Variants in LAMA1 observed in about 807,000 individuals in gnomAD.
LAMA1 encodes laminin subunit alpha 1, also known as laminin subunit alpha-1.
In LAMA1, 219 loss-of-function variants were observed where a neutral mutation model predicts 348.7. The ratio of observed to expected loss-of-function variants is 0.63; its 90% CI spans 0.56 to 0.70. The LOEUF is 0.70. LAMA1 is among the 30% of genes least tolerant of loss of function. LAMA1 has a pLI of 0.00. For synonymous variants in LAMA1, 1,487 were observed against 1,491.0 expected, an observed-to-expected ratio of 1.00 and a Z score of 0.06; for missense variants, 3,744 against 3,888.0, an observed-to-expected ratio of 0.96 and a Z score of 0.99.
intron 3 of LAMA1, among the ~76,000 whole-genome samples, chr18:7,071,260 C>T (rs1447656439): frequency 1.3e-5 from 2 of 152,156 alleles, no homozygotes; most frequent in Non-Finnish European, 2.9e-5. Context: ...TACTCTGTGC[C>T]GTGATTTTTG....
chr18:7,020,240 C>T (rs557627856), intron 19 of LAMA1, among the ~76,000 whole-genome samples: 23 of 152,304 alleles, frequency 1.5e-4, no homozygotes, highest in African/African-American at 4.8e-4. Flanking sequence ...TCCACACCTC[C>T]GGCTGCAGCC....
rs58802341 is a variant in LAMA1, at chr18:7,108,640, C to CAAAAAAAAAAAAAA, written c.61+9006_61+9019dup. Among the ~76,000 whole-genome samples the CAAAAAAAAAAAAAA allele has an allele frequency of 5.5e-4, 22 of 40,234 alleles. 4 individuals carry two copies. Among genetic ancestry groups the CAAAAAAAAAAAAAA allele is most frequent in the African/African-American group, 9.9e-4 (10 of 10,120 alleles). The allele number at this position is 40,234 out of a possible 152,430, so 26.4% of individuals were successfully genotyped here. A position where few individuals can be genotyped will look rare whatever the true frequency, so the allele number is the denominator to read the frequency against. ...CACTGCACTGAGACAGACTCTGTCT[C>CAAAAAAAAAAAAAA]AAAAAAAAAAAAAAAAAAAAAAAAA... On this transcript the variant is annotated intron_variant, in intron 1 of 62. Coordinates refer to ENST00000389658, the MANE Select transcript of LAMA1 (RefSeq NM_005559.4).
chr18:7,002,304 C>T lies in LAMA1; in HGVS notation c.4342G>A (p.Asp1448Asn), dbSNP rs1305174736. The T allele has an allele frequency of 1.2e-6, 2 of 1,613,382 alleles. No individual in the cohort carries two copies. Among genetic ancestry groups the T allele is most frequent in the Admixed American group, 1.7e-5 (1 of 60,018 alleles). Residue 1448 changes from aspartate (D) to asparagine (N), a missense_variant, in exon 30 of 63, where the codon GAC becomes AAC. Physicochemically the swap from Asp to Asn is conservative, Grantham distance 23. Around this residue, in one of 3 missense-constraint regions of LAMA1, gnomAD observed 1,983 missense variants for 1,934.3 expected, o/e 1.03. Coordinates refer to ENST00000389658, the MANE Select transcript of LAMA1 (RefSeq NM_005559.4). ...YYGKVTGSAS[D>N]CALCACPHSP... The stretch of plus-strand genomic sequence containing the variant: ...TGAGGACAGGCACACAGAGCACAGT[C>T]ACTTGCTGAGCCAGTCACCTTCCCG...
At chr18:7,098,699 C>A (rs2058275414) in intron 1 of LAMA1, among the ~76,000 whole-genome samples, 1 of 149,716 alleles carries the variant, frequency 6.7e-6, no homozygotes, top group Admixed American at 6.7e-5. Flanking sequence ...CCGGCAGCCA[C>A]CCCATCCGGG....
At chr18:6,966,065 A>G (rs2057631607) in intron 49 of LAMA1, 82 bp downstream of exon 49, 22 of 1,457,580 alleles carry the variant, frequency 1.5e-5, no homozygotes, top group Middle Eastern at 2.2e-4. Context: ...TTAATTAGTA[A>G]ATCCTCATTA....
intron 1 of LAMA1, among the ~76,000 whole-genome samples, chr18:7,100,077 A>AAAAAAAAAAAAAC: frequency 1.3e-5 from 2 of 150,228 alleles, no homozygotes; most frequent in South Asian, 2.1e-4. Context: ...AAAAAAAAAA[A>AAAAAAAAAAAAAC]AAAAAGACAA....
intron 51 of LAMA1, chr18:6,963,986 C>A (rs2057620929): frequency 6.5e-6 from 1 of 154,164 alleles, no homozygotes; most frequent in African/African-American, 2.4e-5. Context: ...AAAGGAGAAT[C>A]CAGAAAAGTC....
intron 3 of LAMA1, among the ~76,000 whole-genome samples, chr18:7,066,608 A>T (rs994623712): frequency 2.0e-5 from 3 of 152,238 alleles, no homozygotes; most frequent in Non-Finnish European, 4.4e-5. Context: ...TTGTTTAAGC[A>T]TCTGAATTTA....
chr18:7,034,212 G>A (rs562046393), intron 14 of LAMA1, among the ~76,000 whole-genome samples: 2 of 152,292 alleles, frequency 1.3e-5, no homozygotes, highest in Non-Finnish European at 2.9e-5. Flanking sequence ...CTAACTCATC[G>A]TGCATTTCCC....
In LAMA1 at chr18:6,999,898, T is replaced by G; in HGVS notation, c.4469+13A>C. 3 of 1,610,296 alleles carry G rather than the reference T, an allele frequency of 1.9e-6. No individual in the cohort carries two copies. Among genetic ancestry groups the G allele is most frequent in the Non-Finnish European group, 2.5e-6 (3 of 1,176,572 alleles). The stretch of plus-strand genomic sequence containing the variant: ...GTGCCCAGGGATTTCCACATGACAA[T>G]CCACCCATGTACCTTTCACAGTGTT... On this transcript the variant is annotated intron_variant, in intron 31 of 62. Coordinates refer to ENST00000389658, the MANE Select transcript of LAMA1 (RefSeq NM_005559.4).
chr18:7,036,825 C>A (rs1052622694), intron 12 of LAMA1, among the ~76,000 whole-genome samples: 7 of 152,112 alleles, frequency 4.6e-5, no homozygotes, highest in Non-Finnish European at 2.9e-5. Context: ...CAAGACTACA[C>A]TAGCATGCCT....
At chr18:7,013,358 T>C (rs933916331) in intron 23 of LAMA1, among the ~76,000 whole-genome samples, 5 of 151,972 alleles carry the variant, frequency 3.3e-5, no homozygotes, top group African/African-American at 4.8e-5. Context: ...GCAAAGCACA[T>C]TGGGAAAACT....
rs1193995082 is a variant in LAMA1 at position 6,995,374 on chromosome 18, C to A, written c.4879G>T (p.Asp1627Tyr). 1.2e-6 allele frequency: 2 copies of A among 1,613,056 alleles called. No homozygotes were observed. Among genetic ancestry groups the A allele is most frequent in the South Asian group, 1.1e-5 (1 of 91,046 alleles). Residue 1627 changes from aspartate to tyrosine, a missense_variant, in exon 34 of 63, where the codon GAC becomes TAC. Transcript: ENST00000389658. ...GAATTTACCTTCTTTTGCAGGTTGT[C>A]CGTTTCTTCTGCAACACCTTCAAGC... is the stretch of plus-strand genomic sequence containing the variant. ...IKLEGVAEET[D>Y]NLQKKLTRML...
intron 18 of LAMA1, among the ~76,000 whole-genome samples, chr18:7,024,089 C>G (rs1375973087): frequency 1.3e-5 from 2 of 152,106 alleles, no homozygotes; most frequent in East Asian, 3.9e-4. Flanking sequence ...GGTGATCCAC[C>G]TGCCTCAGCC....
intron 3 of LAMA1, among the ~76,000 whole-genome samples, chr18:7,055,222 G>A (rs569255297): frequency 2.6e-4 from 39 of 151,834 alleles, no homozygotes; most frequent in African/African-American, 7.5e-4. Context: ...AGGCCGAGGC[G>A]GGCAGATCAC....
At chr18:7,059,282 G>C (rs2058094080) in intron 3 of LAMA1, among the ~76,000 whole-genome samples, 1 of 152,098 alleles carries the variant, frequency 6.6e-6, no homozygotes, top group Non-Finnish European at 1.5e-5. Context: ...CTTTTCTCTG[G>C]ATTTAAGGTT....
chr18:7,053,230 T>C (rs1165235067), intron 3 of LAMA1, among the ~76,000 whole-genome samples: 2 of 152,066 alleles, frequency 1.3e-5, no homozygotes, highest in Non-Finnish European at 2.9e-5. Flanking sequence ...TTTAGGGCGG[T>C]GAAACCACCC....
intron 44 of LAMA1, 110 bp from the exon 45 acceptor site, chr18:6,976,190 T>C: frequency 9.6e-7 from 1 of 1,039,222 alleles, no homozygotes; most frequent in South Asian, 1.3e-5. Flanking sequence ...GCAGGTTTCC[T>C]CTCTTGATAA....
intron 47 of LAMA1, chr18:6,972,333 A>G (rs627948): frequency 0.026 from 8,724 of 331,184 alleles, 303 homozygotes; most frequent in African/African-American, 0.1. Context: ...ATTGAACCAG[A>G]TCCAAAAAAC....
Sources: allele counts gnomAD v4.1 joint callset (sites outside exome capture counted in the v4.1 genomes callset), GRCh38; gene constraint gnomAD v4.1.1; regional missense constraint gnomAD v4.1.1; transcripts MANE v1.5; gene names NCBI Gene and HGNC (gene_info 2026-07-23, HGNC 2026-07-21).